LEPR: variants seen among roughly 807,000 people sequenced by gnomAD.
LEPR encodes OB receptor.
A neutral mutation model predicts 114.7 loss-of-function variants in LEPR; 56 were observed. That is an observed-to-expected ratio of 0.49 (90% CI 0.39 to 0.61). The LOEUF is 0.61. Ranked by LOEUF, LEPR falls within the 20% of genes least tolerant of loss-of-function variation. LEPR has a pLI of 0.00. For missense variants in LEPR, 1,202 were observed against 1,352.9 expected (o/e 0.89, Z 1.75); for synonymous variants, 443 against 461.4 (o/e 0.96, Z 0.51).
chr1:65,534,663 A>C (rs984675128), intron 2 of LEPR, among the ~76,000 whole-genome samples: 3 of 152,190 alleles, frequency 2.0e-5, no homozygotes, highest in African/African-American at 7.2e-5. Flanking sequence ...AGAATGAATG[A>C]GAGTGAGTGC....
intron 8 of LEPR, 90 bp from the exon 9 acceptor site, chr1:65,601,302 T>A: frequency 6.8e-7 from 1 of 1,473,688 alleles, no homozygotes; most frequent in Non-Finnish European, 9.3e-7. Context: ...AGTGTAACTC[T>A]GGAATGTGTT....
intron 3 of LEPR, among the ~76,000 whole-genome samples, chr1:65,566,746 G>C (rs1332717035): frequency 6.6e-6 from 1 of 152,150 alleles, no homozygotes; most frequent in East Asian, 1.9e-4. Flanking sequence ...CTGATTCTGA[G>C]CATCTCCTTG....
At chr1:65,608,726 A>C in intron 11 of LEPR, 27 bp from the exon 12 acceptor site, 1 of 1,606,940 alleles carries the variant, frequency 6.2e-7, no homozygotes, top group Non-Finnish European at 8.5e-7. Context: ...AATTACCATC[A>C]CTTAATACTA....
intron 2 of LEPR, among the ~76,000 whole-genome samples, chr1:65,431,072 C>T (rs561170776): frequency 6.6e-6 from 1 of 152,292 alleles, no homozygotes; most frequent in African/African-American, 2.4e-5. Flanking sequence ...TGGTCTTGAA[C>T]CCCATGCCAG....
At chr1:65,606,151 A>G (rs1656792798) in intron 11 of LEPR, among the ~76,000 whole-genome samples, 1 of 152,172 alleles carries the variant, frequency 6.6e-6, no homozygotes, top group Non-Finnish European at 1.5e-5. Context: ...AAAATACACG[A>G]TAAGATTGTC....
chr1:65,443,196 A>G (rs1340492710), intron 2 of LEPR, among the ~76,000 whole-genome samples: 1 of 152,130 alleles, frequency 6.6e-6, no homozygotes, highest in African/African-American at 2.4e-5. Flanking sequence ...ACACTTATAA[A>G]ACTTACTAGA....
intron 2 of LEPR, among the ~76,000 whole-genome samples, chr1:65,486,828 T>C (rs956590934): frequency 6.6e-6 from 1 of 152,156 alleles, no homozygotes; most frequent in Non-Finnish European, 1.5e-5. Context: ...GCTGTCCAGA[T>C]ACCTGATGGC....
At chr1:65,453,379 C>G (rs1176859721) in intron 2 of LEPR, among the ~76,000 whole-genome samples, 1 of 152,022 alleles carries the variant, frequency 6.6e-6, no homozygotes, top group Admixed American at 6.6e-5. Flanking sequence ...GTTAGGGTGT[C>G]AATTTTGGAT....
In LEPR at chr1:65,568,792, C is replaced by A. The variant is rs180693002; in HGVS notation, c.41-1681C>A. On this transcript the variant is annotated intron_variant, in intron 3 of 19. Coordinates refer to ENST00000349533, the MANE Select transcript of LEPR (RefSeq NM_002303.6). ...TTGTACAAATTTACATTGCCACCAA[C>A]AGTGAATAAGCATTTCCTTTTCTCT... Among the ~76,000 whole-genome samples, 74 of 152,308 alleles carry A rather than the reference C, an allele frequency of 4.9e-4. No individual in the cohort carries two copies. In the East Asian group the frequency reaches 0.014, roughly 29 times the overall value.
chr1:65,543,628 C>T (rs912985149), intron 2 of LEPR, among the ~76,000 whole-genome samples: 1 of 151,900 alleles, frequency 6.6e-6, no homozygotes, highest in Non-Finnish European at 1.5e-5. Flanking sequence ...TTTAATCCAT[C>T]TTGAGTTAAT....
chr1:65,552,638 C>T (rs1370871935), intron 2 of LEPR, among the ~76,000 whole-genome samples: 3 of 152,158 alleles, frequency 2.0e-5, no homozygotes, highest in Non-Finnish European at 4.4e-5. Context: ...CTCCTGAATA[C>T]AGCACACTGA....
At chr1:65,617,900 A>G (rs921703976) in intron 15 of LEPR, 64 bp from the exon 16 acceptor site, 1 of 1,487,884 alleles carries the variant, frequency 6.7e-7, no homozygotes. Context: ...TAAGTTCCTC[A>G]AGAGTATTAG....
At chr1:65,550,698 C>T (rs529657986) in intron 2 of LEPR, among the ~76,000 whole-genome samples, 10 of 152,284 alleles carry the variant, frequency 6.6e-5, no homozygotes, top group Admixed American at 6.5e-4. Flanking sequence ...GGGAGTGACC[C>T]GATTTTCCAG....
At chr1:65,598,359 C>G (rs1656221715) in intron 7 of LEPR, among the ~76,000 whole-genome samples, 1 of 152,006 alleles carries the variant, frequency 6.6e-6, no homozygotes, top group Non-Finnish European at 1.5e-5. Flanking sequence ...TAAAGCTTCC[C>G]ACAGATTTTA....
At chr1:65,574,373 T>A (rs1411372751) in intron 5 of LEPR, among the ~76,000 whole-genome samples, 1 of 151,864 alleles carries the variant, frequency 6.6e-6, no homozygotes, top group Non-Finnish European at 1.5e-5. Context: ...GTTGTGCACA[T>A]GTACCCTAAA....
chr1:65,428,277 A>G (rs4468199), intron 2 of LEPR, among the ~76,000 whole-genome samples: 16,588 of 152,210 alleles, frequency 0.11, 1,078 homozygotes, highest in African/African-American at 0.17. Context: ...ACTATGAATG[A>G]AAACATAGAG....
intron 2 of LEPR, among the ~76,000 whole-genome samples, chr1:65,453,645 C>A (rs1327759946): frequency 6.6e-6 from 1 of 152,170 alleles, no homozygotes; most frequent in Admixed American, 6.5e-5. Flanking sequence ...GTCTGACAGA[C>A]AGTTTGTTAT....
chr1:65,479,698 G>A (rs1647197113), intron 2 of LEPR, among the ~76,000 whole-genome samples: 2 of 152,056 alleles, frequency 1.3e-5, no homozygotes, highest in African/African-American at 2.4e-5. Context: ...CTGTATATCC[G>A]TCATCAAACT....
chr1:65,456,127 C>T (rs1169382200), intron 2 of LEPR, among the ~76,000 whole-genome samples: 3 of 152,138 alleles, frequency 2.0e-5, no homozygotes, highest in East Asian at 1.9e-4. Context: ...GGCAATGCCT[C>T]GCCCAGCTTC....
Sources: gnomAD v4.1 joint callset for allele counts (sites outside exome capture counted in the v4.1 genomes callset) on GRCh38, gnomAD v4.1.1 for gene constraint, MANE v1.5 for transcripts, NCBI Gene and HGNC (gene_info 2026-07-23, HGNC 2026-07-21) for gene names.